COL5A2: variants seen among roughly 807,000 people sequenced by gnomAD.
COL5A2 encodes the protein collagen type V alpha 2 chain.
Under a neutral mutation model 208.2 loss-of-function variants are expected in COL5A2, and 23 were observed. The observed-to-expected ratio is 0.11, with a 90% CI of 0.08 to 0.16. The LOEUF (loss-of-function observed/expected upper bound fraction) is 0.16. COL5A2 is among the 10% of genes least tolerant of loss of function. The probability of loss-of-function intolerance (pLI) is 1.00; values close to 1 mark genes in which losing one functional copy is unlikely to be tolerated. For missense variants in COL5A2, 1,590 were observed against 1,956.4 expected (o/e 0.81, Z 3.53); for synonymous variants, 625 against 628.5 (o/e 0.99, Z 0.08).
the COL5A2 span, among the ~76,000 whole-genome samples, chr2:189,280,768 CT>C: frequency 6.6e-6 from 1 of 152,040 alleles, no homozygotes; most frequent in African/African-American, 2.4e-5. Context: ...TTCTACACAT[CT>C]TAGGGATAAG....
intron 1 of COL5A2, among the ~76,000 whole-genome samples, chr2:189,195,370 T>A (rs1188252761): frequency 6.6e-6 from 1 of 152,152 alleles, no homozygotes; most frequent in Non-Finnish European, 1.5e-5. Flanking sequence ...ATTAATATCG[T>A]GAAAATGGCC....
intron 13 of COL5A2, among the ~76,000 whole-genome samples, chr2:189,080,410 T>G (rs780746961): frequency 1.6e-4 from 25 of 152,212 alleles, no homozygotes; most frequent in Non-Finnish European, 3.5e-4. Context: ...ATAATGAGTA[T>G]AGCAGCAGAC....
At chr2:189,209,061 T>C (rs1288725164) in intron 1 of COL5A2, among the ~76,000 whole-genome samples, 18 of 152,154 alleles carry the variant, frequency 1.2e-4, no homozygotes, top group Admixed American at 1.1e-3. Flanking sequence ...ATGGGGGTCT[T>C]TATTTTAATC....
At chr2:189,100,588 G>T (rs542787798) in intron 3 of COL5A2, among the ~76,000 whole-genome samples, 37 of 151,936 alleles carry the variant, frequency 2.4e-4, no homozygotes, top group African/African-American at 8.9e-4. Context: ...TAGTTTTCAG[G>T]ATCTAATCAG....
At chr2:189,097,430 C>T in intron 5 of COL5A2, 100 bp from the exon 6 acceptor site, 2 of 1,201,182 alleles carry the variant, frequency 1.7e-6, no homozygotes, top group Non-Finnish European at 2.4e-6. Context: ...ACAGAAATAC[C>T]ACACTTAATT....
Position 189,039,376 on chromosome 2 carries a change from G to A in COL5A2, c.3821C>T (p.Ser1274Leu). 6.2e-7 allele frequency: 1 copy of A among 1,614,064 alleles called. No homozygotes were observed. Among genetic ancestry groups the A allele is most frequent in the Non-Finnish European group, 8.5e-7 (1 of 1,180,024 alleles). Residue 1274 changes from serine (S) to leucine (L), a missense_variant, in exon 51 of 54, where the codon TCA (serine) becomes TTA (leucine). Physicochemically the swap from Ser to Leu is moderately radical, Grantham distance 145. Transcript: ENST00000374866. ...TDPGVHATLK[S>L]LSSQIETMRS... is the part of the protein sequence containing the mutation. ...CATGGTTTCAATCTGACTACTGAGT[G>A]ACTTCAGGGTAGCATGAACCCCTGG...
At chr2:189,411,276 A>G in the COL5A2 span, among the ~76,000 whole-genome samples, 1 of 152,196 alleles carries the variant, frequency 6.6e-6, no homozygotes, top group Admixed American at 6.5e-5. Context: ...TTGCCAATAT[A>G]ATAATAAATT....
chr2:189,435,809 C>A, the COL5A2 span, among the ~76,000 whole-genome samples: 400 of 152,246 alleles, frequency 2.6e-3, no homozygotes, highest in African/African-American at 9.1e-3. Flanking sequence ...CCATTTGACC[C>A]AGCCATCCCA....
At chr2:189,348,157 T>C in the COL5A2 span, among the ~76,000 whole-genome samples, 70 of 152,218 alleles carry the variant, frequency 4.6e-4, no homozygotes, top group East Asian at 0.013. Flanking sequence ...TTATACCTCT[T>C]TCAACATCTG....
chr2:189,401,939 A>C, the COL5A2 span, among the ~76,000 whole-genome samples: 7 of 151,578 alleles, frequency 4.6e-5, no homozygotes, highest in African/African-American at 1.7e-4. Context: ...AAATTTGTTT[A>C]AATTCCTTAT....
chr2:189,143,683 C>G (rs918226440), intron 1 of COL5A2, among the ~76,000 whole-genome samples: 1 of 152,132 alleles, frequency 6.6e-6, no homozygotes, highest in East Asian at 1.9e-4. Flanking sequence ...ATGCATGAAA[C>G]TTTTAAACAA....
chr2:189,335,474 A>T, the COL5A2 span, among the ~76,000 whole-genome samples: 4 of 152,104 alleles, frequency 2.6e-5, no homozygotes, highest in Non-Finnish European at 5.9e-5. Flanking sequence ...ACTTGAGAGA[A>T]TGGAAAACTT....
the COL5A2 span, among the ~76,000 whole-genome samples, chr2:189,413,884 C>T: frequency 6.7e-6 from 1 of 149,928 alleles, no homozygotes; most frequent in Non-Finnish European, 1.5e-5. Flanking sequence ...CTCCGCATCC[C>T]GGGTTCAAGA....
At chr2:189,134,796 T>G (rs1474814194) in intron 1 of COL5A2, among the ~76,000 whole-genome samples, 1 of 152,162 alleles carries the variant, frequency 6.6e-6, no homozygotes, top group African/African-American at 2.4e-5. Context: ...ATACATCTCT[T>G]AAGCTTGGCT....
intron 23 of COL5A2, among the ~76,000 whole-genome samples, chr2:189,065,364 T>C (rs565640552): frequency 1.2e-4 from 19 of 152,114 alleles, no homozygotes; most frequent in African/African-American, 3.9e-4. Flanking sequence ...AACCTGTCTC[T>C]ACTAAAAATA....
chr2:189,067,943 T>C, intron 21 of COL5A2, 72 bp downstream of exon 21: 1 of 1,218,242 alleles, frequency 8.2e-7, no homozygotes, highest in African/African-American at 1.5e-5. Context: ...TTGCATCACA[T>C]GACATGTTAT....
chr2:189,219,120 G>A (rs886085296), intron 1 of COL5A2, among the ~76,000 whole-genome samples: 1 of 152,142 alleles, frequency 6.6e-6, no homozygotes, highest in African/African-American at 2.4e-5. Context: ...CAATAACAAA[G>A]CTAGTGCACA....
At chr2:189,145,853 TA>T (rs1369997477) in intron 1 of COL5A2, among the ~76,000 whole-genome samples, 1 of 152,118 alleles carries the variant, frequency 6.6e-6, no homozygotes, top group East Asian at 1.9e-4. Context: ...GATCCTTCTT[TA>T]GAACCAAAAA....
chr2:189,355,242 A>C, the COL5A2 span, among the ~76,000 whole-genome samples: 1 of 152,298 alleles, frequency 6.6e-6, no homozygotes, highest in African/African-American at 2.4e-5. Flanking sequence ...GGTGCTGAGA[A>C]GAATGTATAT....
Sources: allele counts gnomAD v4.1 joint callset (sites outside exome capture counted in the v4.1 genomes callset), GRCh38; gene constraint gnomAD v4.1.1; transcripts MANE v1.5; gene names NCBI Gene and HGNC (gene_info 2026-07-23, HGNC 2026-07-21).